The following ST6GALNAC1 variants were observed in gnomAD, a reference collection of about 807,000 sequenced individuals.
ST6GALNAC1 encodes the protein ST6 N-acetylgalactosaminide alpha-2,6-sialyltransferase 1.
A neutral mutation model predicts 56.8 loss-of-function variants in ST6GALNAC1; 45 were observed. That is an observed-to-expected ratio of 0.79 (90% CI 0.62 to 1.02). The LOEUF is 1.02. Among genes scored for constraint, ST6GALNAC1 ranks in the 50% least tolerant of loss-of-function variants. ST6GALNAC1 has a pLI of 0.00. For missense variants in ST6GALNAC1, 743 were observed against 754.8 expected, an observed-to-expected ratio of 0.98 and a Z score of 0.18; for synonymous variants, 295 against 297.8, an observed-to-expected ratio of 0.99 and a Z score of 0.10.
At chr17:76,618,695 C>T in the ST6GALNAC1 span, among the ~76,000 whole-genome samples, 6 of 151,908 alleles carry the variant, frequency 3.9e-5, no homozygotes, top group Middle Eastern at 3.2e-3. Flanking sequence ...GCAGGAGAAT[C>T]GCTTGAGCCC....
rs777289989 is a variant in ST6GALNAC1, at chr17:76,629,165, A to T, written c.678T>A (p.Pro226=). Residue 226 remains proline, a synonymous_variant, in exon 2 of 9, where the codon CCT becomes CCA. Transcript: ENST00000156626. ...GGGTGGCCTGAGGTTTCTTCTCCTT[A>T]GGTGGGATGACTGCTGTGGTCACTC... ...QKGVTTAVIP[P]KEKKPQATPP... 6.2e-7 allele frequency: 1 copy of T among 1,613,974 alleles called. No homozygotes were observed. The highest frequency in any genetic ancestry group is 8.5e-7 in the Non-Finnish European group (1 of 1,179,960).
At chr17:76,632,229 G>C (rs1288465382) in intron 1 of ST6GALNAC1, among the ~76,000 whole-genome samples, 1 of 152,176 alleles carries the variant, frequency 6.6e-6, no homozygotes, top group African/African-American at 2.4e-5. Flanking sequence ...CCTCGGCAGA[G>C]AGGAATTCTG....
chr17:76,624,439 G>A (rs532535323), downstream of ST6GALNAC1, among the ~76,000 whole-genome samples: 179 of 152,042 alleles, frequency 1.2e-3, 1 homozygote, highest in South Asian at 0.018. Flanking sequence ...TAGTAGAGAC[G>A]GGGTTTCACC....
the ST6GALNAC1 span, among the ~76,000 whole-genome samples, chr17:76,619,740 G>A: frequency 3.8e-4 from 39 of 101,590 alleles, no homozygotes; most frequent in African/African-American, 1.5e-3. Context: ...AATAATGTTA[G>A]TTTTTTTTTT....
At chr17:76,622,783 G>A (rs2075754583), downstream of ST6GALNAC1, among the ~76,000 whole-genome samples, 1 of 142,824 alleles carries the variant, frequency 7.0e-6, no homozygotes, top group African/African-American at 2.6e-5. Context: ...TGAATTCTTA[G>A]AACTCTTGTC....
At chr17:76,626,581 C>T in intron 5 of ST6GALNAC1, 70 bp downstream of exon 5, 1 of 1,603,336 alleles carries the variant, frequency 6.2e-7, no homozygotes, top group Non-Finnish European at 8.5e-7. Flanking sequence ...AGCCTCTCCT[C>T]TCCCTTCTCA....
downstream of ST6GALNAC1, among the ~76,000 whole-genome samples, chr17:76,621,334 C>G (rs2075738833): frequency 6.6e-6 from 1 of 151,460 alleles, no homozygotes; most frequent in Non-Finnish European, 1.5e-5. Context: ...AGGTGCACGC[C>G]ACCACGCCCA....
chr17:76,632,388 TGGCCGTC>T (rs1467026002), intron 1 of ST6GALNAC1, among the ~76,000 whole-genome samples: 1 of 152,092 alleles, frequency 6.6e-6, no homozygotes, highest in Admixed American at 6.5e-5. Flanking sequence ...CATGGACAGC[TGGCCGTC>T]TGCTTAGTGG....
At position 76,643,534 on chromosome 17, in the gene ST6GALNAC1, AATAAAAGAG is replaced by A; in HGVS notation, c.96_104del (p.Ser33_Ile35del). 1 of 1,614,082 alleles carries A rather than the reference AATAAAAGAG, an allele frequency of 6.2e-7. No individual in the cohort carries two copies. The highest frequency in any genetic ancestry group is 1.1e-5 in the South Asian group (1 of 91,086). On this transcript the variant is annotated inframe_deletion, in exon 1 of 9. Transcript: ENST00000156626. ...TGGAAGGCTTTGTTTGAGGCTCCTT[AATAAAAGAG>A]GGCAAGGCGAAGAGAAAGAAGACCA...
At chr17:76,626,576 C>G (rs987267435) in intron 5 of ST6GALNAC1, 75 bp downstream of exon 5, 22 of 1,598,898 alleles carry the variant, frequency 1.4e-5, no homozygotes, top group Non-Finnish European at 1.7e-5. Context: ...ATGAAAGCCT[C>G]TCCTCTCCCT....
At position 76,626,080 on chromosome 17, in the gene ST6GALNAC1, T is replaced by C. The variant is rs2075794413; in HGVS notation, c.1431A>G (p.Glu477=). Residue 477 remains glutamate, a synonymous_variant, in exon 7 of 9, where the codon GAA becomes GAG. Coordinates refer to ENST00000156626, the MANE Select transcript of ST6GALNAC1 (RefSeq NM_018414.5). ...NLFWFRHRPQ[E]AFREALHMDR... ...CCATGTGCAGGGCTTCCCGAAAAGC[T>C]TCCTGGGGTCTGTGCCTGTGGTTAG... 6.2e-7 allele frequency: 1 copy of C among 1,614,162 alleles called. No homozygotes were observed. The highest frequency in any genetic ancestry group is 8.5e-7 in the Non-Finnish European group (1 of 1,180,018).
In ST6GALNAC1 at chr17:76,630,417, A is replaced by G. The variant is rs114617875; in HGVS notation, c.132-706T>C. 3.1e-3 allele frequency among the ~76,000 whole-genome samples: 470 copies of G among 152,188 alleles called. 1 individual carries two copies. The highest frequency in any genetic ancestry group is 0.011 in the African/African-American group (455 of 41,514). On this transcript the variant is annotated intron_variant, in intron 1 of 8. Coordinates refer to ENST00000156626, the MANE Select transcript of ST6GALNAC1 (RefSeq NM_018414.5). The stretch of plus-strand genomic sequence containing the variant: ...GCAGCTGACCCTGGGTGGTATTTCC[A>G]GCCTTTCTCAGCCTCAAAGCAACAC...
rs2143504601 is a variant in ST6GALNAC1, at chr17:76,643,497, A to G, written c.131+11T>C. Reference sequence around the variant, plus strand: ...ATGAAATATGAGGAGTGGAAAGGACAAGAATCTTACCTGGAAGGCTTTGTT... The same window carrying G: ...ATGAAATATGAGGAGTGGAAAGGACGAGAATCTTACCTGGAAGGCTTTGTT... On this transcript the variant is annotated intron_variant, in intron 1 of 8. Coordinates refer to ENST00000156626, the MANE Select transcript of ST6GALNAC1 (RefSeq NM_018414.5). 1 of 1,613,548 alleles carries G rather than the reference A, an allele frequency of 6.2e-7. No individual in the cohort carries two copies. Among genetic ancestry groups the G allele is most frequent in the Non-Finnish European group, 8.5e-7 (1 of 1,179,716 alleles).
rs1443247153 is a variant in ST6GALNAC1, at chr17:76,628,933, G to A, written c.831+79C>T. 3.1e-6 allele frequency: 4 copies of A among 1,300,116 alleles called. No individual in the cohort carries two copies. The African/African-American group carries it at 5.9e-5, about 19-fold the overall frequency. 80.5% of individuals were successfully genotyped at this position (1,300,116 alleles called of 1,614,324 possible). On this transcript the variant is annotated intron_variant, in intron 2 of 8. Transcript: ENST00000156626. ...CTAGAAGCAGAGCCCAGGAGGTGAG[G>A]AGAGGGTGGGCTGGGCTTCCTCTCA... is the stretch of plus-strand genomic sequence containing the variant.
the ST6GALNAC1 span, among the ~76,000 whole-genome samples, chr17:76,617,645 C>A: frequency 3.9e-5 from 6 of 152,104 alleles, no homozygotes; most frequent in Middle Eastern, 3.4e-3. Context: ...GTGACATGCA[C>A]CTGTGATCAC....
downstream of ST6GALNAC1, among the ~76,000 whole-genome samples, chr17:76,621,182 C>CTT (rs367846650): frequency 0.073 from 7,650 of 104,804 alleles, 596 homozygotes; most frequent in Non-Finnish European, 0.08. Context: ...TTCTTTCTTT[C>CTT]TTTCTTTTTT....
chr17:76,622,340 A>AT (rs1013948778), downstream of ST6GALNAC1, among the ~76,000 whole-genome samples: 26 of 150,840 alleles, frequency 1.7e-4, no homozygotes, highest in Admixed American at 1.7e-3. Flanking sequence ...CCTCCTGGTG[A>AT]TTTTTTTCAC....
chr17:76,621,269 G>A (rs912070449), downstream of ST6GALNAC1, among the ~76,000 whole-genome samples: 3 of 136,886 alleles, frequency 2.2e-5, no homozygotes, highest in Non-Finnish European at 3.0e-5. Flanking sequence ...TGCAACCTCC[G>A]CCTTTTGGGT....
At chr17:76,633,754 G>T (rs2075939899) in intron 1 of ST6GALNAC1, 1 of 152,138 alleles carries the variant, frequency 6.6e-6, no homozygotes, top group African/African-American at 2.4e-5. Context: ...GGGACTACAG[G>T]TGCATGTGCC....
Sources: allele counts gnomAD v4.1 joint callset (sites outside exome capture counted in the v4.1 genomes callset), GRCh38; gene constraint gnomAD v4.1.1; transcripts MANE v1.5; gene names NCBI Gene and HGNC (gene_info 2026-07-23, HGNC 2026-07-21).